TPRG1: variants seen among roughly 807,000 people sequenced by gnomAD.
TPRG1 encodes the protein tumor protein p63 regulated 1, also known as tumor protein p63-regulated gene 1 protein.
In TPRG1, 29 loss-of-function variants were observed where a neutral mutation model predicts 29.3. The ratio of observed to expected loss-of-function variants is 0.99; its 90% CI spans 0.74 to 1.35. TPRG1 has a LOEUF of 1.35. TPRG1 is among the 40% of genes most tolerant of loss of function. The pLI is 0.00. For synonymous variants in TPRG1, 130 were observed against 116.8 expected (o/e 1.11, Z -0.73); for missense variants, 327 against 335.0 (o/e 0.98, Z 0.19).
At chr3:189,024,855 C>T (rs1242537252) in intron 4 of TPRG1, among the ~76,000 whole-genome samples, 4 of 152,176 alleles carry the variant, frequency 2.6e-5, no homozygotes, top group South Asian at 2.1e-4. Context: ...CTTTCTCGTT[C>T]GGATCTTTGG....
chr3:189,219,285 G>A lies in TPRG1; in HGVS notation c.302+3902G>A, dbSNP rs574973676. On this transcript the variant is annotated intron_variant, in intron 3 of 5. Coordinates refer to ENST00000345063, the MANE Select transcript of TPRG1 (RefSeq NM_198485.4). ...AAATAAGTTTGCAGGCACTTGGGAA[G>A]AGAAGACAAAGAAAATAAACAGAGA... Among the ~76,000 whole-genome samples, 5 of 152,222 alleles carry A rather than the reference G, an allele frequency of 3.3e-5. No individual in the cohort carries two copies. The South Asian group carries it at 1.0e-3, about 32-fold the overall frequency.
At chr3:189,252,933 G>A (rs1240574820) in intron 4 of TPRG1, among the ~76,000 whole-genome samples, 1 of 152,078 alleles carries the variant, frequency 6.6e-6, no homozygotes, top group Non-Finnish European at 1.5e-5. Context: ...AAAAACCGGA[G>A]ACTATTTTTA....
Position 189,268,355 on chromosome 3 carries a change from G to C in TPRG1, c.479+29446G>C, listed in dbSNP as rs191250013. ...CTATTTCTTGGCAAATCTCCGTGGG[G>C]AGGCGTTCCCCAAATACCACAATCC... On this transcript the variant is annotated intron_variant, in intron 4 of 5. Coordinates refer to ENST00000345063, the MANE Select transcript of TPRG1 (RefSeq NM_198485.4). 2.9e-4 allele frequency among the ~76,000 whole-genome samples: 44 copies of C among 152,296 alleles called. No homozygotes were observed. In the East Asian group the frequency reaches 8.3e-3, roughly 29 times the overall value.
At chr3:189,192,373 A>T (rs1435277916) in intron 1 of TPRG1, among the ~76,000 whole-genome samples, 2 of 152,172 alleles carry the variant, frequency 1.3e-5, no homozygotes, top group African/African-American at 4.8e-5. Flanking sequence ...AATGCTTTCT[A>T]TGTGCTCTAC....
intron 3 of TPRG1, among the ~76,000 whole-genome samples, chr3:189,007,300 T>C (rs1304862900): frequency 1.3e-5 from 2 of 151,866 alleles, no homozygotes; most frequent in African/African-American, 2.4e-5. Context: ...GAAAAAATGC[T>C]CATCATCACT....
At chr3:189,058,153 C>A (rs969136765) in intron 4 of TPRG1, among the ~76,000 whole-genome samples, 1 of 151,964 alleles carries the variant, frequency 6.6e-6, no homozygotes, top group Non-Finnish European at 1.5e-5. Context: ...AAGAAAGGGG[C>A]CTTGGAGATC....
Position 189,262,020 on chromosome 3 carries a change from T to A in TPRG1, c.479+23111T>A, listed in dbSNP as rs1273116346. 2.0e-5 allele frequency among the ~76,000 whole-genome samples: 3 copies of A among 152,012 alleles called. No individual in the cohort carries two copies. The East Asian group carries it at 5.8e-4, about 29-fold the overall frequency. On this transcript the variant is annotated intron_variant, in intron 4 of 5. Coordinates refer to ENST00000345063, the MANE Select transcript of TPRG1 (RefSeq NM_198485.4). ...AAGGTTTTTGGGGAGGAGCCTGAAA[T>A]GATTGACATTTTGCCTCAAAAAGAT...
At chr3:189,160,845 T>G (rs1362591001) in intron 5 of TPRG1, among the ~76,000 whole-genome samples, 5 of 152,248 alleles carry the variant, frequency 3.3e-5, no homozygotes, top group Admixed American at 3.3e-4. Context: ...AATGAATTCC[T>G]TCTTTATGTT....
intron 4 of TPRG1, among the ~76,000 whole-genome samples, chr3:189,088,231 T>C (rs1206481272): frequency 3.3e-5 from 5 of 152,278 alleles, no homozygotes; most frequent in Admixed American, 1.3e-4. Context: ...CCCTTGTAAG[T>C]TGGATTCCTG....
At chr3:189,054,170 T>C (rs1186684675) in intron 4 of TPRG1, among the ~76,000 whole-genome samples, 2 of 152,092 alleles carry the variant, frequency 1.3e-5, no homozygotes, top group Non-Finnish European at 2.9e-5. Flanking sequence ...CATTGTAGGA[T>C]TATTTATTGG....
chr3:189,115,388 GTAGCTAGGGCAA>G (rs1294162133), intron 1 of TPRG1, among the ~76,000 whole-genome samples: 1 of 152,196 alleles, frequency 6.6e-6, no homozygotes, highest in African/African-American at 2.4e-5. Context: ...GCCTTCCACA[GTAGCTAGGGCAA>G]TAGCTATAGG....
chr3:189,318,451 T>C (rs1723895466), intron 5 of TPRG1, among the ~76,000 whole-genome samples: 1 of 152,124 alleles, frequency 6.6e-6, no homozygotes, highest in Non-Finnish European at 1.5e-5. Context: ...TTTTGAGAGA[T>C]GTGTTGGAGA....
At position 189,206,046 on chromosome 3, in the gene TPRG1, T is replaced by TCC. The variant is rs60083664; in HGVS notation, c.-9-1330_-9-1329insCC. Among the ~76,000 whole-genome samples, 194 of 150,122 alleles carry TCC rather than the reference T, an allele frequency of 1.3e-3. 1 individual carries two copies. The Middle Eastern group carries it at 0.014, about 11-fold the overall frequency. ...TTCCTTCCTTCCTTCCTTCCTTCCT[T>TCC]TCTTCTGTCTTTCTTTCTTTTTTCT... On this transcript the variant is annotated intron_variant, in intron 1 of 5. Coordinates refer to ENST00000345063, the MANE Select transcript of TPRG1 (RefSeq NM_198485.4).
At chr3:189,091,615 G>A (rs1288877259) in intron 4 of TPRG1, among the ~76,000 whole-genome samples, 1 of 152,066 alleles carries the variant, frequency 6.6e-6, no homozygotes, top group Non-Finnish European at 1.5e-5. Flanking sequence ...AAATTATTTT[G>A]CCTGTATTAT....
At chr3:189,080,924 C>A (rs980116341) in intron 4 of TPRG1, among the ~76,000 whole-genome samples, 1 of 151,584 alleles carries the variant, frequency 6.6e-6, no homozygotes, top group African/African-American at 2.4e-5. Flanking sequence ...GAGAAGAGAC[C>A]AGAGGCAGGA....
chr3:189,103,308 T>A (rs1719421293), intron 1 of TPRG1, among the ~76,000 whole-genome samples: 1 of 152,228 alleles, frequency 6.6e-6, no homozygotes, highest in South Asian at 2.1e-4. Context: ...AAATATTTAC[T>A]ATTTGACCTT....
At chr3:189,095,421 C>T (rs148317265), upstream of TPRG1, among the ~76,000 whole-genome samples, 47 of 152,160 alleles carry the variant, frequency 3.1e-4, no homozygotes, top group East Asian at 6.4e-3. Context: ...AATGTCTCTG[C>T]GGTGGCATGC....
At chr3:189,112,077 A>G (rs1720596314) in intron 1 of TPRG1, among the ~76,000 whole-genome samples, 1 of 151,848 alleles carries the variant, frequency 6.6e-6, no homozygotes, top group Non-Finnish European at 1.5e-5. Context: ...TTTCCTTTGT[A>G]TTCTGTTGAT....
intron 1 of TPRG1, among the ~76,000 whole-genome samples, chr3:189,180,532 A>G (rs1228114273): frequency 6.6e-6 from 1 of 152,200 alleles, no homozygotes; most frequent in African/African-American, 2.4e-5. Flanking sequence ...TCCAAAATCA[A>G]GCAGGGCACT....
Sources: allele counts gnomAD v4.1 joint callset (sites outside exome capture counted in the v4.1 genomes callset), GRCh38; gene constraint gnomAD v4.1.1; transcripts MANE v1.5; gene names NCBI Gene and HGNC (gene_info 2026-07-23, HGNC 2026-07-21).